The following RBMS3 variants were observed in gnomAD, a reference collection of about 807,000 sequenced individuals.
The protein encoded by RBMS3 is RNA binding motif single stranded interacting protein 3, also known as RNA-binding motif, single-stranded-interacting protein 3.
Under a neutral mutation model 66.8 loss-of-function variants are expected in RBMS3, and 27 were observed. The ratio of observed to expected loss-of-function variants is 0.40; its 90% CI spans 0.30 to 0.56. The LOEUF (loss-of-function observed/expected upper bound fraction) is 0.56. Among genes scored for constraint, RBMS3 ranks in the 20% least tolerant of loss-of-function variants. The pLI is 0.40. For synonymous variants in RBMS3, 188 were observed against 183.0 expected, an observed-to-expected ratio of 1.03 and a Z score of -0.22; for missense variants, 513 against 549.5, an observed-to-expected ratio of 0.93 and a Z score of 0.66.
intron 5 of RBMS3, among the ~76,000 whole-genome samples, chr3:29,756,194 T>C (rs1172774675): frequency 6.6e-6 from 1 of 152,176 alleles, no homozygotes; most frequent in East Asian, 1.9e-4. Context: ...ATCGATTCTC[T>C]AATTCTCTGA....
chr3:29,759,353 C>A (rs2055562466), intron 5 of RBMS3, among the ~76,000 whole-genome samples: 2 of 152,094 alleles, frequency 1.3e-5, no homozygotes, highest in African/African-American at 4.8e-5. Flanking sequence ...TAACAGAAAA[C>A]CCTGAAGCTT....
At chr3:29,553,138 A>T (rs2046232410) in intron 3 of RBMS3, among the ~76,000 whole-genome samples, 2 of 152,180 alleles carry the variant, frequency 1.3e-5, no homozygotes, top group African/African-American at 4.8e-5. Flanking sequence ...ACATGAAAGC[A>T]TATTGCTTTT....
intron 1 of RBMS3, among the ~76,000 whole-genome samples, chr3:29,400,283 C>A (rs1432422136): frequency 3.3e-5 from 5 of 151,982 alleles, no homozygotes; most frequent in African/African-American, 9.7e-5. Flanking sequence ...ATATGATGAA[C>A]CTTGAGGACG....
Position 29,656,770 on chromosome 3 carries a change from ATTGTCT to A in RBMS3, c.399+69568_399+69573del, listed in dbSNP as rs1374686825. ...TAACCGTTTTTTATGCTCTAATCAA[ATTGTCT>A]TTTTAATCACTGGACTCTCCCTCTC... is the stretch of plus-strand genomic sequence containing the variant. On this transcript the variant is annotated intron_variant, in intron 4 of 14. Transcript: ENST00000383767. Among the ~76,000 whole-genome samples, 5 of 152,188 alleles carry A rather than the reference ATTGTCT, an allele frequency of 3.3e-5. No individual in the cohort carries two copies. The East Asian group carries it at 9.7e-4, about 29-fold the overall frequency.
Position 29,587,144 on chromosome 3 carries a change from C to A in RBMS3, c.338C>A (p.Ala113Glu), listed in dbSNP as rs964182086. 3 of 1,610,148 alleles carry A rather than the reference C, an allele frequency of 1.9e-6. No individual in the cohort carries two copies. The highest frequency in any genetic ancestry group is 1.7e-5 in the Admixed American group (1 of 59,504). ...GYGFVDFDSP[A>E]AAQKAVASLK... Reference sequence around the variant, plus strand: ...GGTTTTGTAGATTTTGACAGTCCTGCAGCCGCACAGAAAGCGGTAGCATCT... The same window carrying A: ...GGTTTTGTAGATTTTGACAGTCCTGAAGCCGCACAGAAAGCGGTAGCATCT... The change falls in exon 4 of 15, where the codon GCA becomes GAA. Residue 113 changes from alanine (A) to glutamate (E), a missense_variant. By Grantham distance (107) the Ala-to-Glu change is moderately radical. Coordinates refer to ENST00000383767, the MANE Select transcript of RBMS3 (RefSeq NM_001003793.3).
intron 6 of RBMS3, among the ~76,000 whole-genome samples, chr3:29,823,442 G>A (rs146940578): frequency 6.6e-6 from 1 of 152,262 alleles, no homozygotes; most frequent in Non-Finnish European, 1.5e-5. Flanking sequence ...ATCACTTTGA[G>A]TGAATATATC....
At chr3:29,936,752 T>A (rs2061275152) in intron 11 of RBMS3, among the ~76,000 whole-genome samples, 2 of 152,122 alleles carry the variant, frequency 1.3e-5, no homozygotes, top group African/African-American at 2.4e-5. Flanking sequence ...GTTGTGATAT[T>A]TTTGACTAGT....
chr3:29,984,612 T>A (rs1011380998), intron 12 of RBMS3, among the ~76,000 whole-genome samples: 2 of 152,128 alleles, frequency 1.3e-5, no homozygotes, highest in Non-Finnish European at 2.9e-5. Flanking sequence ...GGATGTCCTT[T>A]TTGTTGATGT....
intron 10 of RBMS3, among the ~76,000 whole-genome samples, chr3:29,928,211 TACACAC>T (rs1175604100): frequency 5.3e-5 from 5 of 93,502 alleles, no homozygotes; most frequent in African/African-American, 2.1e-4. Flanking sequence ...TATATATATA[TACACAC>T]ACACACACAC....
chr3:29,342,630 G>A (rs12493838), intron 1 of RBMS3, among the ~76,000 whole-genome samples: 1 of 152,084 alleles, frequency 6.6e-6, no homozygotes, highest in Non-Finnish European at 1.5e-5. Context: ...ATATTATCAA[G>A]TGGGTAGGGA....
rs192721379 is a variant in RBMS3 at position 29,396,589 on chromosome 3, T to C, written c.76-38154T>C. On this transcript the variant is annotated intron_variant, in intron 1 of 14. Coordinates refer to ENST00000383767, the MANE Select transcript of RBMS3 (RefSeq NM_001003793.3). ...AACCATGATTTACCAATTTCACTCT[T>C]GGACGGTTCAGGAAAAAAATGTTTT... Among the ~76,000 whole-genome samples the C allele has an allele frequency of 2.6e-5, 4 of 152,296 alleles. No homozygotes were observed. The East Asian group carries it at 7.7e-4, about 29-fold the overall frequency.
intron 11 of RBMS3, among the ~76,000 whole-genome samples, chr3:29,937,760 C>T (rs1250915229): frequency 6.6e-6 from 1 of 151,834 alleles, no homozygotes; most frequent in Non-Finnish European, 1.5e-5. Flanking sequence ...GGAGATAGAG[C>T]TTGAAGACAA....
chr3:29,294,111 T>C (rs2033052230), intron 1 of RBMS3, among the ~76,000 whole-genome samples: 1 of 151,838 alleles, frequency 6.6e-6, no homozygotes, highest in African/African-American at 2.4e-5. Flanking sequence ...GTATGGTGTA[T>C]GATGCAGATT....
intron 1 of RBMS3, among the ~76,000 whole-genome samples, chr3:29,286,538 C>A (rs969849457): frequency 6.6e-6 from 1 of 152,020 alleles, no homozygotes; most frequent in African/African-American, 2.4e-5. Context: ...ATTTTCCTTT[C>A]ACTTTCTTTC....
chr3:29,314,362 A>T (rs1016773538), intron 1 of RBMS3, among the ~76,000 whole-genome samples: 1 of 151,726 alleles, frequency 6.6e-6, no homozygotes, highest in Non-Finnish European at 1.5e-5. Context: ...CAAAAACATG[A>T]CAGGGCTCAC....
At position 29,819,664 on chromosome 3, in the gene RBMS3, G is replaced by A. The variant is rs9859837; in HGVS notation, c.638-49194G>A. 2.1e-3 allele frequency among the ~76,000 whole-genome samples: 324 copies of A among 152,094 alleles called. 3 individuals are homozygous for A. The highest frequency in any genetic ancestry group is 7.4e-3 in the African/African-American group (309 of 41,508). Reference sequence around the variant, plus strand: ...TTTTTTCACAGTTATCAGCAATGCAGCAATGGTTGTTCTTCAACTTCTCTT... The same window carrying A: ...TTTTTTCACAGTTATCAGCAATGCAACAATGGTTGTTCTTCAACTTCTCTT... On this transcript the variant is annotated intron_variant, in intron 6 of 14. Transcript: ENST00000383767.
chr3:30,000,236 G>T (rs982777089), intron 14 of RBMS3, among the ~76,000 whole-genome samples: 4 of 152,052 alleles, frequency 2.6e-5, no homozygotes, highest in African/African-American at 9.7e-5. Flanking sequence ...CAAAGGATAT[G>T]AACAGACACT....
intron 4 of RBMS3, among the ~76,000 whole-genome samples, chr3:29,606,265 C>A (rs1317263767): frequency 6.6e-6 from 1 of 151,856 alleles, no homozygotes; most frequent in East Asian, 1.9e-4. Context: ...TGTTTAAAGA[C>A]CCTATTATTT....
At chr3:29,526,365 C>A (rs1019870998) in intron 3 of RBMS3, 2 of 150,424 alleles carry the variant, frequency 1.3e-5, no homozygotes, top group Admixed American at 6.6e-5. Context: ...CTAAAAAATA[C>A]AAAAAATTAG....
Sources: allele counts gnomAD v4.1 joint callset (sites outside exome capture counted in the v4.1 genomes callset), GRCh38; gene constraint gnomAD v4.1.1; transcripts MANE v1.5; gene names NCBI Gene and HGNC (gene_info 2026-07-23, HGNC 2026-07-21).